The following FBN2 variants were observed in gnomAD, a reference collection of about 807,000 sequenced individuals.
FBN2 encodes the protein fibrillin-2.
A neutral mutation model predicts 355.6 loss-of-function variants in FBN2; 105 were observed. The observed-to-expected ratio is 0.30, with a 90% CI of 0.25 to 0.35. The LOEUF is 0.35. FBN2 is among the 10% of genes least tolerant of loss of function. The pLI is 1.00. For missense variants in FBN2, 3,280 were observed against 3,758.7 expected, an observed-to-expected ratio of 0.87 and a Z score of 3.33; for synonymous variants, 1,350 against 1,301.2, an observed-to-expected ratio of 1.04 and a Z score of -0.81.
chr5:128,347,760 A>G (rs954374743), intron 23 of FBN2, among the ~76,000 whole-genome samples: 7 of 148,962 alleles, frequency 4.7e-5, no homozygotes, highest in African/African-American at 1.7e-4. Context: ...AATCCAATAT[A>G]TCATCTTAGA....
chr5:128,452,842 AGTAG>A (rs1754290803), intron 6 of FBN2, among the ~76,000 whole-genome samples: 1 of 152,208 alleles, frequency 6.6e-6, no homozygotes, highest in South Asian at 2.1e-4. Flanking sequence ...GTGAAAACTC[AGTAG>A]GTACTCAATA....
intron 5 of FBN2, among the ~76,000 whole-genome samples, chr5:128,503,305 T>G (rs1281104794): frequency 1.2e-4 from 18 of 152,192 alleles, no homozygotes; most frequent in Admixed American, 1.2e-3. Context: ...ATGTCTTTAT[T>G]AGTGGCATGA....
intron 4 of FBN2, among the ~76,000 whole-genome samples, chr5:128,522,263 G>T (rs928160756): frequency 2.0e-5 from 3 of 152,046 alleles, no homozygotes; most frequent in African/African-American, 4.8e-5. Flanking sequence ...CACCTACTGT[G>T]GTATCTGACA....
intron 5 of FBN2, among the ~76,000 whole-genome samples, chr5:128,468,931 T>C (rs2127090123): frequency 6.6e-6 from 1 of 152,352 alleles, no homozygotes; most frequent in East Asian, 1.9e-4. Flanking sequence ...CAATTAATCA[T>C]CTCTTACACT....
At chr5:128,525,125 A>T (rs1756530516) in intron 4 of FBN2, among the ~76,000 whole-genome samples, 1 of 152,152 alleles carries the variant, frequency 6.6e-6, no homozygotes, top group Non-Finnish European at 1.5e-5. Flanking sequence ...CTTAATTCAG[A>T]CTGAAGACAG....
chr5:128,325,356 T>A (rs571147670), intron 34 of FBN2, among the ~76,000 whole-genome samples: 1 of 152,248 alleles, frequency 6.6e-6, no homozygotes, highest in African/African-American at 2.4e-5. Context: ...TTTACCATTA[T>A]GTAATGCCCT....
At chr5:128,399,042 T>C (rs952628902) in intron 8 of FBN2, among the ~76,000 whole-genome samples, 1 of 152,158 alleles carries the variant, frequency 6.6e-6, no homozygotes, top group African/African-American at 2.4e-5. Flanking sequence ...AACAGACTAA[T>C]ACAACATGTA....
intron 63 of FBN2, among the ~76,000 whole-genome samples, chr5:128,262,658 T>G (rs923745927): frequency 6.6e-6 from 1 of 152,230 alleles, no homozygotes; most frequent in African/African-American, 2.4e-5. Flanking sequence ...TAAATGACCT[T>G]TGTGTAGACC....
chr5:128,259,121 C>T lies in FBN2; in HGVS notation c.*334G>A, dbSNP rs1174293165. 1 of 250,166 alleles carries T rather than the reference C, an allele frequency of 4.0e-6. No individual in the cohort carries two copies. Among genetic ancestry groups the T allele is most frequent in the African/African-American group, 2.6e-5 (1 of 38,042 alleles). The allele number at this position is 250,166 out of a possible 1,614,324, so 15.5% of individuals were successfully genotyped here. A position where few individuals can be genotyped will look rare whatever the true frequency, so the allele number is the denominator to read the frequency against. On this transcript the variant is annotated 3_prime_UTR_variant, in exon 65 of 65. Coordinates refer to ENST00000262464, the MANE Select transcript of FBN2 (RefSeq NM_001999.4). Reference sequence around the variant, plus strand: ...AGCAAAATACCCAAAGTGTTACAGACTGCTAACAGGAAAAAAAAAAAAAGC... The same window carrying T: ...AGCAAAATACCCAAAGTGTTACAGATTGCTAACAGGAAAAAAAAAAAAAGC...
At chr5:128,353,913 A>G (rs1751434000) in intron 20 of FBN2, among the ~76,000 whole-genome samples, 1 of 152,056 alleles carries the variant, frequency 6.6e-6, no homozygotes, top group South Asian at 2.1e-4. Flanking sequence ...TTGAAAAGCT[A>G]CAAATCCATT....
At chr5:128,438,457 C>A (rs1753832816) in intron 7 of FBN2, among the ~76,000 whole-genome samples, 1 of 152,188 alleles carries the variant, frequency 6.6e-6, no homozygotes, top group African/African-American at 2.4e-5. Flanking sequence ...ATGGGAGGAT[C>A]ATTAAAATCA....
chr5:128,350,457 A>C (rs1469057192), intron 21 of FBN2, among the ~76,000 whole-genome samples: 1 of 152,176 alleles, frequency 6.6e-6, no homozygotes, highest in East Asian at 1.9e-4. Flanking sequence ...AAGCTGAGGC[A>C]GGAGAATCGC....
chr5:128,347,967 C>T lies in FBN2; in HGVS notation c.2989+1380G>A, dbSNP rs115439196. ...CTAATTTTTATATTTTTAGTAGAGA[C>T]GGGGAGGGGGGGGTTCCCCATGTTG... On this transcript the variant is annotated intron_variant, in intron 23 of 64. Transcript: ENST00000262464. Among the ~76,000 whole-genome samples the T allele has an allele frequency of 9.5e-3, 1,360 of 142,576 alleles. 15 individuals are homozygous for T. The highest frequency in any genetic ancestry group is 0.034 in the African/African-American group (1,287 of 38,130). 93.5% of individuals were successfully genotyped at this position (142,576 alleles called of 152,430 possible).
intron 9 of FBN2, among the ~76,000 whole-genome samples, chr5:128,394,507 A>G (rs1350372118): frequency 6.6e-6 from 1 of 152,198 alleles, no homozygotes; most frequent in African/African-American, 2.4e-5. Context: ...ATAAATGAAG[A>G]CAGAGTTTTC....
At chr5:128,348,661 T>C (rs921482947) in intron 23 of FBN2, among the ~76,000 whole-genome samples, 3 of 152,174 alleles carry the variant, frequency 2.0e-5, no homozygotes, top group Admixed American at 6.5e-5. Context: ...AAAAATTTAC[T>C]GTTCCATAGC....
At chr5:128,364,372 T>C (rs574503593) in intron 18 of FBN2, among the ~76,000 whole-genome samples, 5 of 152,270 alleles carry the variant, frequency 3.3e-5, no homozygotes, top group Admixed American at 6.5e-5. Flanking sequence ...ATTGAGGATG[T>C]TAATTCCGGA....
At chr5:128,510,104 C>T (rs1756074076) in intron 5 of FBN2, among the ~76,000 whole-genome samples, 1 of 152,118 alleles carries the variant, frequency 6.6e-6, no homozygotes, top group Non-Finnish European at 1.5e-5. Context: ...CTTGATCTCC[C>T]CAGAACTTAG....
In FBN2 at chr5:128,269,653, C is replaced by T. The variant is rs186806050; in HGVS notation, c.7960+2346G>A. ...CAATTGCTACAAAGAGAATAAAATA[C>T]GTAAGAATACAGCAAACGAGGTATG... On this transcript the variant is annotated intron_variant, in intron 62 of 64. Coordinates refer to ENST00000262464, the MANE Select transcript of FBN2 (RefSeq NM_001999.4). 4.6e-5 allele frequency among the ~76,000 whole-genome samples: 7 copies of T among 152,126 alleles called. No homozygotes were observed. In the South Asian group the frequency reaches 8.3e-4, roughly 18 times the overall value.
chr5:128,295,685 T>G (rs2126826865), intron 48 of FBN2, among the ~76,000 whole-genome samples: 1 of 122,542 alleles, frequency 8.2e-6, no homozygotes, highest in East Asian at 2.2e-4. Flanking sequence ...TACATTGATT[T>G]TGTATCCTGA....
Sources: allele counts gnomAD v4.1 joint callset (sites outside exome capture counted in the v4.1 genomes callset), GRCh38; gene constraint gnomAD v4.1.1; transcripts MANE v1.5; gene names NCBI Gene and HGNC (gene_info 2026-07-23, HGNC 2026-07-21).